Variants in NRG1 observed in about 807,000 individuals in gnomAD.
The protein encoded by NRG1 is pro-neuregulin-1, membrane-bound isoform.
Under a neutral mutation model 63.8 loss-of-function variants are expected in NRG1, and 18 were observed. The observed-to-expected ratio is 0.28, with a 90% CI of 0.19 to 0.42. NRG1 has a LOEUF of 0.42. Among genes scored for constraint, NRG1 ranks in the 10% least tolerant of loss-of-function variants. The probability of loss-of-function intolerance (pLI) is 1.00; values close to 1 mark genes in which losing one functional copy is unlikely to be tolerated. For missense variants in NRG1, 762 were observed against 814.7 expected, an observed-to-expected ratio of 0.94 and a Z score of 0.79; for synonymous variants, 302 against 301.3, an observed-to-expected ratio of 1.00 and a Z score of -0.02.
At chr8:32,118,471 A>T (rs1833027642) in intron 1 of NRG1, among the ~76,000 whole-genome samples, 1 of 152,070 alleles carries the variant, frequency 6.6e-6, no homozygotes, top group Admixed American at 6.6e-5. Context: ...ATGCCAGATC[A>T]TTGCTTCTTA....
intron 1 of NRG1, among the ~76,000 whole-genome samples, chr8:31,887,985 A>G (rs1439368424): frequency 6.6e-6 from 1 of 151,644 alleles, no homozygotes; most frequent in East Asian, 1.9e-4. Context: ...TTGATATATT[A>G]CATATCAATA....
intron 1 of NRG1, among the ~76,000 whole-genome samples, chr8:31,753,396 A>G (rs1032639710): frequency 6.6e-6 from 1 of 151,984 alleles, no homozygotes; most frequent in Non-Finnish European, 1.5e-5. Context: ...ACATGTATGC[A>G]GCTATTTTGA....
chr8:32,624,987 T>C (rs1408806113), intron 5 of NRG1, among the ~76,000 whole-genome samples: 3 of 152,208 alleles, frequency 2.0e-5, no homozygotes, highest in African/African-American at 4.8e-5. Flanking sequence ...TTCCATATAA[T>C]ATTGTATAGA....
rs375255759 is a variant in NRG1 at position 31,923,344 on chromosome 8, C to G, written c.37+283913C>G. On this transcript the variant is annotated intron_variant, in intron 1 of 10. Coordinates refer to the NRG1 transcript ENST00000519301. ...AATATTATGTATCTGAAAAAATATG[C>G]ACACACACATATAAATGAGTGTATT... 2.6e-5 allele frequency among the ~76,000 whole-genome samples: 4 copies of G among 151,828 alleles called. No individual in the cohort carries two copies. The East Asian group carries it at 7.7e-4, about 29-fold the overall frequency.
chr8:32,673,050 A>G (rs1201334492), intron 5 of NRG1, among the ~76,000 whole-genome samples: 1 of 152,238 alleles, frequency 6.6e-6, no homozygotes, highest in Admixed American at 6.5e-5. Flanking sequence ...AGTCTTGACC[A>G]TAGTGTTTAT....
chr8:31,917,730 C>G (rs1309396694), intron 1 of NRG1, among the ~76,000 whole-genome samples: 3 of 151,982 alleles, frequency 2.0e-5, no homozygotes, highest in Admixed American at 2.0e-4. Context: ...TAGTTTTTTC[C>G]AATTCTGTGA....
At chr8:32,321,531 T>A (rs537070132) in intron 1 of NRG1, among the ~76,000 whole-genome samples, 4 of 149,562 alleles carry the variant, frequency 2.7e-5, no homozygotes, top group Non-Finnish European at 5.9e-5. Flanking sequence ...TTCTTCTTCT[T>A]CTTTTTCTCC....
chr8:31,855,311 A>G (rs953651838), intron 1 of NRG1, among the ~76,000 whole-genome samples: 2 of 152,158 alleles, frequency 1.3e-5, no homozygotes, highest in African/African-American at 4.8e-5. Flanking sequence ...TTGGGTGCAT[A>G]TATGTTTAGG....
chr8:32,458,208 G>T (rs1471080495), intron 1 of NRG1, among the ~76,000 whole-genome samples: 1 of 152,104 alleles, frequency 6.6e-6, no homozygotes, highest in Non-Finnish European at 1.5e-5. Context: ...GAGCCACTGT[G>T]CCCGGCCTCA....
chr8:31,872,763 A>G (rs1829597122), intron 1 of NRG1, among the ~76,000 whole-genome samples: 1 of 152,218 alleles, frequency 6.6e-6, no homozygotes. Context: ...CATCCATTCA[A>G]AACATTTTGA....
At chr8:31,812,279 G>A (rs1183039054) in intron 1 of NRG1, among the ~76,000 whole-genome samples, 1 of 152,114 alleles carries the variant, frequency 6.6e-6, no homozygotes, top group Non-Finnish European at 1.5e-5. Flanking sequence ...TCCCTTGGAG[G>A]GCTTCTTAAA....
At chr8:31,689,453 A>G (rs7825592) in intron 1 of NRG1, among the ~76,000 whole-genome samples, 1,860 of 152,304 alleles carry the variant, frequency 0.012, 34 homozygotes, top group African/African-American at 0.042. Flanking sequence ...ATAAAGTTCA[A>G]TAAGAATTTA....
At chr8:32,088,071 T>C (rs1828548248) in intron 1 of NRG1, among the ~76,000 whole-genome samples, 1 of 152,146 alleles carries the variant, frequency 6.6e-6, no homozygotes, top group African/African-American at 2.4e-5. Flanking sequence ...CCATCTCCTC[T>C]AGGAAGGCTT....
intron 1 of NRG1, among the ~76,000 whole-genome samples, chr8:31,957,705 C>T (rs1804686787): frequency 6.6e-6 from 1 of 151,664 alleles, no homozygotes; most frequent in Non-Finnish European, 1.5e-5. Context: ...GTCAAGCCCA[C>T]ATTTCAAGTG....
At chr8:31,977,678 A>G (rs566807675) in intron 1 of NRG1, among the ~76,000 whole-genome samples, 1 of 152,246 alleles carries the variant, frequency 6.6e-6, no homozygotes, top group South Asian at 2.1e-4. Context: ...CTAAAAATGA[A>G]TGGTAATAAC....
intron 1 of NRG1, among the ~76,000 whole-genome samples, chr8:31,857,133 G>T (rs1473310301): frequency 6.6e-6 from 1 of 152,226 alleles, no homozygotes; most frequent in East Asian, 1.9e-4. Context: ...AGCTGTGGTG[G>T]GCTCCACCCA....
At chr8:31,878,337 T>A (rs1047710550) in intron 1 of NRG1, among the ~76,000 whole-genome samples, 2 of 152,192 alleles carry the variant, frequency 1.3e-5, no homozygotes, top group Non-Finnish European at 2.9e-5. Context: ...GGTTGTATTA[T>A]CTATAAATTT....
At chr8:32,437,176 C>T (rs1396112807) in intron 1 of NRG1, among the ~76,000 whole-genome samples, 25 of 152,210 alleles carry the variant, frequency 1.6e-4, no homozygotes, top group Admixed American at 6.5e-5. Flanking sequence ...ACCTTGCTAA[C>T]ACCTACCTAC....
chr8:32,544,984 ATTATC>A (rs892949788), upstream of NRG1, among the ~76,000 whole-genome samples: 16 of 152,300 alleles, frequency 1.1e-4, no homozygotes, highest in Admixed American at 5.2e-4. Context: ...CTTTGTTTAC[ATTATC>A]TTAAGTTACT....
Sources: gnomAD v4.1 joint callset for allele counts (sites outside exome capture counted in the v4.1 genomes callset) on GRCh38, gnomAD v4.1.1 for gene constraint, MANE v1.5 for transcripts, NCBI Gene and HGNC (gene_info 2026-07-23, HGNC 2026-07-21) for gene names.